Variants in IGF2BP3 observed in about 807,000 individuals in gnomAD.
The protein encoded by IGF2BP3 is insulin-like growth factor 2 mRNA-binding protein 3.
A neutral mutation model predicts 73.8 loss-of-function variants in IGF2BP3; 9 were observed. That is an observed-to-expected ratio of 0.12 (90% CI 0.07 to 0.21). The LOEUF (loss-of-function observed/expected upper bound fraction) is 0.21. IGF2BP3 is among the 10% of genes least tolerant of loss of function. The probability of loss-of-function intolerance (pLI) is 1.00; values close to 1 mark genes in which losing one functional copy is unlikely to be tolerated. For synonymous variants in IGF2BP3, 258 were observed against 256.7 expected, an observed-to-expected ratio of 1.01 and a Z score of -0.05; for missense variants, 542 against 714.0, an observed-to-expected ratio of 0.76 and a Z score of 2.75.
At chr7:23,397,199 A>G (rs1252393551) in intron 3 of IGF2BP3, among the ~76,000 whole-genome samples, 1 of 152,236 alleles carries the variant, frequency 6.6e-6, no homozygotes, top group Non-Finnish European at 1.5e-5. Flanking sequence ...TTGCGAGTTC[A>G]GAGAAGCTGA....
Position 23,470,189 on chromosome 7 carries a change from G to A in IGF2BP3, c.-79C>T. 8.1e-7 allele frequency: 1 copy of A among 1,228,976 alleles called. No individual in the cohort carries two copies. Among genetic ancestry groups the A allele is most frequent in the South Asian group, 1.5e-5 (1 of 66,640 alleles). The allele number at this position is 1,228,976 out of a possible 1,614,324, so 76.1% of individuals were successfully genotyped here. A position where few individuals can be genotyped will look rare whatever the true frequency, so the allele number is the denominator to read the frequency against. The stretch of plus-strand genomic sequence containing the variant: ...CCACCCACGGTGATGGATGGATCCA[G>A]CTGGTTTTGTTCCCCTCGTCTTCTC... On this transcript the variant is annotated 5_prime_UTR_variant, in exon 1 of 15. Transcript: ENST00000258729.
At position 23,374,756 on chromosome 7, in the gene IGF2BP3, C is replaced by G. The variant is rs1178878800; in HGVS notation, c.286-13015G>C. 2.6e-5 allele frequency among the ~76,000 whole-genome samples: 4 copies of G among 151,970 alleles called. No homozygotes were observed. In the South Asian group the frequency reaches 8.3e-4, roughly 32 times the overall value. On this transcript the variant is annotated intron_variant, in intron 3 of 14. Transcript: ENST00000258729. ...TTTGATATCGGGGGAAATTCACCCCCGATATTTCACATAGGTTCTTTTCTA... is the reference window on the plus strand; with the variant it reads ...TTTGATATCGGGGGAAATTCACCCCGGATATTTCACATAGGTTCTTTTCTA...
chr7:23,454,940 C>T (rs1788281392), intron 2 of IGF2BP3, among the ~76,000 whole-genome samples: 1 of 152,152 alleles, frequency 6.6e-6, no homozygotes, highest in Non-Finnish European at 1.5e-5. Context: ...TATAAGATTC[C>T]TAGTCCTGTA....
chr7:23,381,634 C>G (rs1187337484), intron 3 of IGF2BP3, among the ~76,000 whole-genome samples: 1 of 151,882 alleles, frequency 6.6e-6, no homozygotes, highest in Non-Finnish European at 1.5e-5. Context: ...AGTGGCATGA[C>G]CTCATCTCAC....
chr7:23,450,702 G>C (rs777462604), intron 2 of IGF2BP3: 3 of 152,062 alleles, frequency 2.0e-5, no homozygotes, highest in African/African-American at 7.2e-5. Context: ...GTGGTTTTCC[G>C]GTCTTTACCA....
intron 3 of IGF2BP3, among the ~76,000 whole-genome samples, chr7:23,378,598 A>G (rs1168148753): frequency 1.8e-5 from 2 of 111,610 alleles, no homozygotes; most frequent in Non-Finnish European, 1.7e-5. Flanking sequence ...TTTTTGAGAC[A>G]GAGTCTCGCT....
In IGF2BP3 at chr7:23,469,475, C is replaced by A; in HGVS notation, c.175+461G>T. 1 of 152,498 alleles carries A rather than the reference C, an allele frequency of 6.6e-6. No individual in the cohort carries two copies. Among genetic ancestry groups the A allele is most frequent in the Non-Finnish European group, 1.5e-5 (1 of 68,176 alleles). 9.4% of individuals were successfully genotyped at this position (152,498 alleles called of 1,614,324 possible). On this transcript the variant is annotated intron_variant, in intron 1 of 14. Coordinates refer to ENST00000258729, the MANE Select transcript of IGF2BP3 (RefSeq NM_006547.3). The surrounding 1 kb of genome is among the most constrained non-coding windows in gnomAD (Gnocchi z 6.1). ...TCTCACTCGGCAGCACGGTCGAGGC[C>A]ACTTTCCGTTCTCCACGGCCGGGGG...
intron 2 of IGF2BP3, among the ~76,000 whole-genome samples, chr7:23,422,877 C>A (rs1002921897): frequency 6.6e-6 from 1 of 152,164 alleles, no homozygotes; most frequent in African/African-American, 2.4e-5. Context: ...CTCACTGCAA[C>A]CTCTGCCTCC....
At chr7:23,362,082 T>C (rs1785243641) in intron 3 of IGF2BP3, among the ~76,000 whole-genome samples, 1 of 152,176 alleles carries the variant, frequency 6.6e-6, no homozygotes, top group Admixed American at 6.5e-5. Context: ...TACTTTCTCC[T>C]TGTAAACAAA....
chr7:23,469,646 G>A lies in IGF2BP3; in HGVS notation c.175+290C>T, dbSNP rs1788660171. On this transcript the variant is annotated intron_variant, in intron 1 of 14. Transcript: ENST00000258729. This position sits in a 1 kb window ranked among gnomAD's most constrained non-coding sequence, Gnocchi z 6.1. ...CGCCTGGGCCCGGGCGGGGCGCCGG[G>A]GGAGCGCGCCTCCCCCAGCCCCGCG... The A allele has an allele frequency of 5.7e-6, 1 of 174,764 alleles. No individual in the cohort carries two copies. The highest frequency in any genetic ancestry group is 2.0e-4 in the South Asian group (1 of 5,080). 10.8% of individuals were successfully genotyped at this position (174,764 alleles called of 1,614,324 possible). A position where few individuals can be genotyped will look rare whatever the true frequency, so the allele number is the denominator to read the frequency against.
chr7:23,385,285 G>C (rs1438855247), intron 3 of IGF2BP3, among the ~76,000 whole-genome samples: 2 of 152,132 alleles, frequency 1.3e-5, no homozygotes, highest in African/African-American at 2.4e-5. Flanking sequence ...TGCTTAAAGA[G>C]AAAGAGGGGA....
At chr7:23,356,318 G>A (rs1460838319) in intron 5 of IGF2BP3, among the ~76,000 whole-genome samples, 2 of 152,122 alleles carry the variant, frequency 1.3e-5, no homozygotes, top group East Asian at 3.9e-4. Flanking sequence ...AGCACTCTGG[G>A]AGGCCAAGGA....
At chr7:23,356,385 C>A (rs1034528972) in intron 5 of IGF2BP3, among the ~76,000 whole-genome samples, 5 of 151,630 alleles carry the variant, frequency 3.3e-5, no homozygotes, top group Admixed American at 2.0e-4. Flanking sequence ...CAGTGAGACC[C>A]TGCCTCTACA....
intron 5 of IGF2BP3, among the ~76,000 whole-genome samples, chr7:23,352,015 T>C (rs750769338): frequency 2.6e-5 from 4 of 152,210 alleles, no homozygotes; most frequent in Admixed American, 1.3e-4. Context: ...ATCAGAAATA[T>C]ATACTTCCTT....
intron 3 of IGF2BP3, among the ~76,000 whole-genome samples, chr7:23,371,999 GATTTTT>G (rs1274665362): frequency 1.3e-5 from 2 of 152,064 alleles, no homozygotes; most frequent in Non-Finnish European, 2.9e-5. Flanking sequence ...GAGCTAGACT[GATTTTT>G]ATTTTTAATT....
intron 2 of IGF2BP3, among the ~76,000 whole-genome samples, chr7:23,462,364 C>CTTTT (rs60416705): frequency 7.0e-6 from 1 of 143,228 alleles, no homozygotes; most frequent in African/African-American, 2.6e-5. Flanking sequence ...AAGAATATTT[C>CTTTT]TTTTTTTTTT....
At chr7:23,418,482 T>C (rs1360541240) in intron 3 of IGF2BP3, among the ~76,000 whole-genome samples, 1 of 152,198 alleles carries the variant, frequency 6.6e-6, no homozygotes, top group Non-Finnish European at 1.5e-5. Context: ...ATTGGCAAAC[T>C]CATCAGAAAG....
chr7:23,384,302 TG>T (rs1562716483), intron 3 of IGF2BP3, among the ~76,000 whole-genome samples: 1 of 150,948 alleles, frequency 6.6e-6, no homozygotes, highest in South Asian at 2.1e-4. Flanking sequence ...AGGGGTTCAG[TG>T]GGGGGAAAGA....
Position 23,470,071 on chromosome 7 carries a change from C to A in IGF2BP3, c.40G>T (p.Ala14Ser), listed in dbSNP as rs745674577. ...AAGATACTTTCTAGGTCCGAGGGGG[C>A]GGCGTTCTCGCTGAGGTTTCCGATA... ...LYIGNLSENA[A>S]PSDLESIFKD... is the part of the protein sequence containing the mutation. The change falls in exon 1 of 15, where the codon GCC becomes TCC. Residue 14 changes from alanine (A) to serine (S), a missense_variant. By Grantham distance (99) the Ala-to-Ser change is moderately conservative (BLOSUM62 1). Around this residue, in one of 2 missense-constraint regions of IGF2BP3, gnomAD observed 239 missense variants for 241.9 expected, o/e 0.99. Transcript: ENST00000258729. 2 of 1,609,210 alleles carry A rather than the reference C, an allele frequency of 1.2e-6. No individual in the cohort carries two copies. The highest frequency in any genetic ancestry group is 2.2e-5 in the East Asian group (1 of 44,644).
Sources: gnomAD v4.1 joint callset for allele counts (sites outside exome capture counted in the v4.1 genomes callset) on GRCh38, gnomAD v4.1.1 for gene constraint, gnomAD v4.1.1 regional missense constraint, Gnocchi (gnomAD v3.1) non-coding constraint, MANE v1.5 for transcripts, NCBI Gene and HGNC (gene_info 2026-07-23, HGNC 2026-07-21) for gene names.